Variants in TMEM94 observed in about 807,000 individuals in gnomAD.
TMEM94 encodes the protein transmembrane protein 94.
TMEM94 carries 81 observed loss-of-function variants against 158.6 expected under a neutral mutation model. That is an observed-to-expected ratio of 0.51 (90% confidence interval 0.43 to 0.61). TMEM94 has a LOEUF of 0.61. TMEM94 is among the 20% of genes least tolerant of loss of function. TMEM94 has a pLI of 0.00. For synonymous variants in TMEM94, 751 were observed against 730.7 expected (o/e 1.03, Z -0.45); for missense variants, 1,435 against 1,762.0 (o/e 0.81, Z 3.32).
Position 75,485,405 on chromosome 17 carries a change from C to T in TMEM94, c.25-23C>T. 1 of 1,605,148 alleles carries T rather than the reference C, an allele frequency of 6.2e-7. No homozygotes were observed. On this transcript the variant is annotated intron_variant, in intron 2 of 31. Coordinates refer to ENST00000314256, the MANE Select transcript of TMEM94 (RefSeq NM_014738.6). The surrounding 1 kb of genome is among the most constrained non-coding windows in gnomAD (Gnocchi z 5.5). ...ATAGCCTTGGCCTGGCAGTGACGCC[C>T]AGCGCCTCCTGCTTGCCTGCAGGGC...
At chr17:75,488,276 C>T (rs2051800670) in intron 6 of TMEM94, 142 bp downstream of exon 6, 1 of 729,772 alleles carries the variant, frequency 1.4e-6, no homozygotes, top group African/African-American at 1.8e-5. Context: ...TCTTCCTCCA[C>T]CCTGCTGTTC....
At chr17:75,465,422 C>T (rs1464349136) in intron 1 of TMEM94, among the ~76,000 whole-genome samples, 1 of 150,906 alleles carries the variant, frequency 6.6e-6, no homozygotes, top group Non-Finnish European at 1.5e-5. Context: ...CAAATCTCTG[C>T]CTGTTTATTA....
intron 1 of TMEM94, among the ~76,000 whole-genome samples, chr17:75,470,628 C>G (rs1371153075): frequency 6.6e-6 from 1 of 152,008 alleles, no homozygotes; most frequent in African/African-American, 2.4e-5. Flanking sequence ...TGGCGTGAAC[C>G]CGGGAGGTGG....
Position 75,494,663 on chromosome 17 carries a change from T to C in TMEM94, c.2444T>C (p.Met815Thr). The C allele has an allele frequency of 6.2e-7, 1 of 1,613,718 alleles. No homozygotes were observed. The highest frequency in any genetic ancestry group is 8.5e-7 in the Non-Finnish European group (1 of 1,180,030). The change falls in exon 19 of 32, where the codon ATG (methionine) becomes ACG (threonine). Residue 815 changes from methionine to threonine, a missense_variant. By Grantham distance (81) the Met-to-Thr change is moderately conservative. Coordinates refer to ENST00000314256, the MANE Select transcript of TMEM94 (RefSeq NM_014738.6). ...GAGGTGCTGGAGAAGGAAGACTGCA[T>C]GCAGGCCCTGAGCGGCCAGATCTTC... Reference protein sequence around the residue: ...IGEVLEKEDCMQALSGQIFMG... With the variant: ...IGEVLEKEDCTQALSGQIFMG...
intron 6 of TMEM94, among the ~76,000 whole-genome samples, 156 bp from the exon 7 acceptor site, chr17:75,488,603 C>T (rs1008891047): frequency 6.6e-5 from 10 of 152,118 alleles, no homozygotes; most frequent in Non-Finnish European, 1.0e-4. Flanking sequence ...TCTTTATTCT[C>T]GCTAAAAGTC....
Position 75,495,530 on chromosome 17 carries a change from T to C in TMEM94, c.2845-14T>C. Reference sequence around the variant, plus strand: ...TCCCCATCCCGAAGCCGCTGGCATCTCTGCTTTCTCCAGGCCAAGCTGCCC... The same window carrying C: ...TCCCCATCCCGAAGCCGCTGGCATCCCTGCTTTCTCCAGGCCAAGCTGCCC... On this transcript the variant is annotated splice_polypyrimidine_tract_variant and intron_variant, in intron 21 of 31. Transcript: ENST00000314256. This position sits in a 1 kb window ranked among gnomAD's most constrained non-coding sequence, Gnocchi z 5.6. 1 of 1,613,110 alleles carries C rather than the reference T, an allele frequency of 6.2e-7. No homozygotes were observed. The highest frequency in any genetic ancestry group is 8.5e-7 in the Non-Finnish European group (1 of 1,179,756).
At chr17:75,470,941 TAATAAAG>T (rs1319495396) in intron 1 of TMEM94, among the ~76,000 whole-genome samples, 1 of 143,406 alleles carries the variant, frequency 7.0e-6, no homozygotes, top group Non-Finnish European at 1.5e-5. Flanking sequence ...ATAATAATAA[TAATAAAG>T]AAAATGAAGG....
At position 75,492,760 on chromosome 17, in the gene TMEM94, G is replaced by C. The variant is rs2052327450; in HGVS notation, c.1883G>C (p.Trp628Ser). 1 of 1,607,942 alleles carries C rather than the reference G, an allele frequency of 6.2e-7. No homozygotes were observed. The highest frequency in any genetic ancestry group is 8.5e-7 in the Non-Finnish European group (1 of 1,179,684). ...GCCGTGCTGCCCGTCCATGTGCCCT[G>C]GGGCCTCTGCGAGCTTGCCCGCCTC... ...HSAVLPVHVP[W>S]GLCELARLIG... Residue 628 changes from tryptophan (W) to serine (S), a missense_variant, in exon 15 of 32, where the codon TGG becomes TCG. By Grantham distance (177) the Trp-to-Ser change is radical (BLOSUM62 -3). Around this residue, in one of 3 missense-constraint regions of TMEM94, gnomAD observed 1,051 missense variants for 1,254.4 expected, o/e 0.84. Transcript: ENST00000314256. The surrounding 1 kb of genome is among the most constrained non-coding windows in gnomAD (Gnocchi z 4.4).
intron 18 of TMEM94, among the ~76,000 whole-genome samples, chr17:75,494,387 C>G (rs1050415177): frequency 3.9e-5 from 6 of 152,160 alleles, no homozygotes; most frequent in African/African-American, 1.4e-4. Flanking sequence ...GCCAGTACCC[C>G]CTGGGCAGGA....
chr17:75,465,320 G>A (rs2050262784), intron 1 of TMEM94, among the ~76,000 whole-genome samples: 1 of 151,720 alleles, frequency 6.6e-6, no homozygotes, highest in East Asian at 1.9e-4. Flanking sequence ...CCTTCTCATT[G>A]TGGTTTTAAT....
Position 75,488,852 on chromosome 17 carries a change from A to G in TMEM94, c.706A>G (p.Ser236Gly). 5 of 1,611,912 alleles carry G rather than the reference A, an allele frequency of 3.1e-6. No individual in the cohort carries two copies. Among genetic ancestry groups the G allele is most frequent in the Non-Finnish European group, 4.2e-6 (5 of 1,178,672 alleles). Residue 236 changes from serine to glycine, a missense_variant, in exon 7 of 32, where the codon AGC becomes GGC. By Grantham distance (56) the Ser-to-Gly change is moderately conservative. This residue lies in a region of TMEM94 where 1,051 missense variants were observed against 1,254.4 expected (regional missense o/e 0.84). Transcript: ENST00000314256. ...GGGAGAAGTGGAGAGAGGGCCACAG[A>G]GCCCCCAGCAGCACCGGCTTTTCCG... ...PRGEVERGPQSPQQHRLFRVL... is the reference protein window; with the variant it reads ...PRGEVERGPQGPQQHRLFRVL...
At chr17:75,472,099 C>A in intron 2 of TMEM94, 170 bp downstream of exon 2, 1 of 628,366 alleles carries the variant, frequency 1.6e-6, no homozygotes. Flanking sequence ...GGCTGGAAAG[C>A]ACAGACTCAC....
intron 18 of TMEM94, 29 bp from the exon 19 acceptor site, chr17:75,494,598 G>A (rs761645560): frequency 8.7e-6 from 14 of 1,608,136 alleles, no homozygotes; most frequent in Non-Finnish European, 1.1e-5. Context: ...TGTCCTGATC[G>A]GGCTGTGTCC....
chr17:75,470,470 C>T (rs2146215307), intron 1 of TMEM94, among the ~76,000 whole-genome samples: 1 of 152,102 alleles, frequency 6.6e-6, no homozygotes, highest in Admixed American at 6.6e-5. Flanking sequence ...CTTTGGGAGG[C>T]CAAGACAGGC....
chr17:75,483,622 G>T (rs1358891114), intron 2 of TMEM94, among the ~76,000 whole-genome samples: 1 of 151,992 alleles, frequency 6.6e-6, no homozygotes, highest in Non-Finnish European at 1.5e-5. Context: ...ACCATGCCCA[G>T]CTAATTTTTG....
chr17:75,465,917 ATTTG>A (rs1327863044), intron 1 of TMEM94, among the ~76,000 whole-genome samples: 2 of 151,012 alleles, frequency 1.3e-5, no homozygotes. Flanking sequence ...GTTTTCTTTT[ATTTG>A]TTTGTTTGTT....
At position 75,495,556 on chromosome 17, in the gene TMEM94, C is replaced by T. The variant is rs764478610; in HGVS notation, c.2857C>T (p.Arg953Trp). 11 of 1,613,416 alleles carry T rather than the reference C, an allele frequency of 6.8e-6. No individual in the cohort carries two copies. Among genetic ancestry groups the T allele is most frequent in the African/African-American group, 1.3e-5 (1 of 74,916 alleles). The part of the protein sequence containing the change: ...LEDSNRAKLP[R>W]GIHQVRPHLQ... ...CTGCTTTCTCCAGGCCAAGCTGCCC[C>T]GGGGTATCCACCAAGTGCGGCCCCA... The change falls in exon 22 of 32, where the codon CGG becomes TGG. Residue 953 changes from arginine to tryptophan, a missense_variant. Transcript: ENST00000314256. The surrounding 1 kb of genome is among the most constrained non-coding windows in gnomAD (Gnocchi z 5.6).
chr17:75,457,775 G>C (rs1334033919), intron 1 of TMEM94: 1 of 152,178 alleles, frequency 6.6e-6, no homozygotes, highest in Non-Finnish European at 1.5e-5. Context: ...ATTGTTCGGA[G>C]AGGCAAGGCC....
At chr17:75,496,854 T>TC in intron 25 of TMEM94, 47 bp downstream of exon 25, 1 of 1,567,154 alleles carries the variant, frequency 6.4e-7, no homozygotes, top group South Asian at 1.1e-5. Context: ...ACTCACCCCT[T>TC]CACTCAGGGG....
Sources: allele counts gnomAD v4.1 joint callset (sites outside exome capture counted in the v4.1 genomes callset), GRCh38; gene constraint gnomAD v4.1.1; regional missense constraint gnomAD v4.1.1; non-coding constraint Gnocchi (gnomAD v3.1); transcripts MANE v1.5; gene names NCBI Gene and HGNC (gene_info 2026-07-23, HGNC 2026-07-21).